MACC1: variants seen among roughly 807,000 people sequenced by gnomAD.
MACC1 encodes the protein MET transcriptional regulator MACC1.
MACC1 carries 79 observed loss-of-function variants against 70.7 expected under a neutral mutation model. That is an observed-to-expected ratio of 1.12 (90% CI 0.93 to 1.35). MACC1 has a LOEUF of 1.35. Among genes scored for constraint, MACC1 ranks in the 40% most tolerant of loss-of-function variants. MACC1 has a pLI of 0.00. For missense variants in MACC1, 1,106 were observed against 978.1 expected (o/e 1.13, Z -1.74); for synonymous variants, 361 against 347.2 (o/e 1.04, Z -0.44).
chr7:20,181,397 A>G (rs1216945018), intron 1 of MACC1, among the ~76,000 whole-genome samples: 1 of 152,092 alleles, frequency 6.6e-6, no homozygotes, highest in Non-Finnish European at 1.5e-5. Flanking sequence ...TACATAAAAT[A>G]TTAACAAATA....
At chr7:20,202,628 CA>C (rs1782849398) in intron 1 of MACC1, among the ~76,000 whole-genome samples, 1 of 152,148 alleles carries the variant, frequency 6.6e-6, no homozygotes, top group African/African-American at 2.4e-5. Context: ...TGATGAGAAC[CA>C]AAAACTTTTT....
At chr7:20,191,430 G>A (rs994278062) in intron 1 of MACC1, among the ~76,000 whole-genome samples, 1 of 152,042 alleles carries the variant, frequency 6.6e-6, no homozygotes, top group African/African-American at 2.4e-5. Flanking sequence ...TTTTGCAGCA[G>A]TCTGGAAATG....
intron 1 of MACC1, among the ~76,000 whole-genome samples, chr7:20,182,208 G>A (rs905529660): frequency 6.8e-6 from 1 of 147,212 alleles, no homozygotes; most frequent in African/African-American, 2.5e-5. Flanking sequence ...GGGGGAGGGT[G>A]GAGGGATAGC....
At chr7:20,196,935 T>C (rs1291672087) in intron 1 of MACC1, among the ~76,000 whole-genome samples, 2 of 152,194 alleles carry the variant, frequency 1.3e-5, no homozygotes, top group Non-Finnish European at 2.9e-5. Flanking sequence ...CCTAATTTTC[T>C]ATGGTACACA....
At chr7:20,216,327 CTATCTT>C (rs1783069807) in intron 1 of MACC1, among the ~76,000 whole-genome samples, 1 of 152,014 alleles carries the variant, frequency 6.6e-6, no homozygotes, top group South Asian at 2.1e-4. Context: ...TTTTTAAAAT[CTATCTT>C]TATTAATTGT....
intron 6 of MACC1, among the ~76,000 whole-genome samples, chr7:20,143,754 G>T (rs894479156): frequency 1.3e-5 from 2 of 152,150 alleles, no homozygotes; most frequent in African/African-American, 4.8e-5. Flanking sequence ...AGAGAAATTT[G>T]GGTACAATAC....
At chr7:20,208,065 G>A (rs1305058425) in intron 1 of MACC1, among the ~76,000 whole-genome samples, 4 of 152,120 alleles carry the variant, frequency 2.6e-5, no homozygotes, top group Non-Finnish European at 5.9e-5. Flanking sequence ...TTCTCCTGCC[G>A]CCCTGTAAAG....
At chr7:20,215,667 A>G (rs991252876) in intron 1 of MACC1, among the ~76,000 whole-genome samples, 1 of 152,242 alleles carries the variant, frequency 6.6e-6, no homozygotes, top group Non-Finnish European at 1.5e-5. Flanking sequence ...TAGTCTTAAT[A>G]GACACCTAGG....
chr7:20,163,346 C>T (rs1279589516), intron 3 of MACC1, among the ~76,000 whole-genome samples: 1 of 152,224 alleles, frequency 6.6e-6, no homozygotes, highest in East Asian at 1.9e-4. Flanking sequence ...TGTGCAACCA[C>T]TTGGAAGTTA....
chr7:20,135,410 A>T lies in MACC1; in HGVS notation c.*5536T>A, dbSNP rs1411665043. 1 of 152,214 alleles carries T rather than the reference A, an allele frequency of 6.6e-6. No individual in the cohort carries two copies. The highest frequency in any genetic ancestry group is 1.5e-5 in the Non-Finnish European group (1 of 68,034). 9.4% of individuals were successfully genotyped at this position (152,214 alleles called of 1,614,324 possible). On this transcript the variant is annotated 3_prime_UTR_variant, in exon 7 of 7. Transcript: ENST00000400331. The stretch of plus-strand genomic sequence containing the variant: ...CACAATTTTTAAAACAATTTCTCCA[A>T]CAGAATTAAGTGAAATCTCATTTAT...
intron 2 of MACC1, among the ~76,000 whole-genome samples, chr7:20,166,204 C>T (rs1339622299): frequency 6.6e-6 from 1 of 152,150 alleles, no homozygotes; most frequent in African/African-American, 2.4e-5. Context: ...AACTCTTGAT[C>T]TATGTGATAA....
rs1415887626 is a variant in MACC1 at position 20,138,611 on chromosome 7, G to A, written c.*2335C>T. 2 of 151,252 alleles carry A rather than the reference G, an allele frequency of 1.3e-5. No individual in the cohort carries two copies. Among genetic ancestry groups the A allele is most frequent in the Non-Finnish European group, 2.9e-5 (2 of 67,942 alleles). The allele number at this position is 151,252 out of a possible 1,614,324, so 9.4% of individuals were successfully genotyped here. A position where few individuals can be genotyped will look rare whatever the true frequency, so the allele number is the denominator to read the frequency against. ...TAAAATAAATTCTGTCCTTGAATGT[G>A]TATACATAATTATTTGGTCAGGCTG... On this transcript the variant is annotated 3_prime_UTR_variant, in exon 7 of 7. Coordinates refer to ENST00000400331, the MANE Select transcript of MACC1 (RefSeq NM_182762.4).
At chr7:20,149,326 T>G (rs961707817) in intron 6 of MACC1, among the ~76,000 whole-genome samples, 13 of 152,304 alleles carry the variant, frequency 8.5e-5, no homozygotes, top group African/African-American at 3.1e-4. Flanking sequence ...CAAAGTTATA[T>G]AGTTATCAAA....
chr7:20,176,696 T>C (rs1456417097), intron 1 of MACC1, among the ~76,000 whole-genome samples: 1 of 152,106 alleles, frequency 6.6e-6, no homozygotes, highest in East Asian at 1.9e-4. Context: ...AGTGAGTAAA[T>C]GATTTAAAGA....
intron 1 of MACC1, among the ~76,000 whole-genome samples, chr7:20,185,513 T>G (rs1393168345): frequency 2.0e-5 from 3 of 152,106 alleles, no homozygotes; most frequent in Non-Finnish European, 4.4e-5. Flanking sequence ...TAAACAGATT[T>G]TAATTTATAA....
chr7:20,149,042 A>G (rs970786548), intron 6 of MACC1, among the ~76,000 whole-genome samples: 1 of 152,204 alleles, frequency 6.6e-6, no homozygotes, highest in African/African-American at 2.4e-5. Context: ...AGAAGTTGCC[A>G]TGTAAGCCAG....
At chr7:20,144,883 T>G (rs929531138) in intron 6 of MACC1, among the ~76,000 whole-genome samples, 2 of 152,166 alleles carry the variant, frequency 1.3e-5, no homozygotes, top group East Asian at 3.9e-4. Flanking sequence ...AAGAGAGAAA[T>G]AGACGCAATA....
intron 2 of MACC1, among the ~76,000 whole-genome samples, chr7:20,164,898 T>C (rs199794519): frequency 2.6e-5 from 4 of 151,872 alleles, no homozygotes; most frequent in Non-Finnish European, 5.9e-5. Flanking sequence ...AAACTCTTTT[T>C]TTTTTTATGA....
chr7:20,174,397 T>C (rs1782361855), intron 1 of MACC1, among the ~76,000 whole-genome samples: 1 of 152,120 alleles, frequency 6.6e-6, no homozygotes, highest in Non-Finnish European at 1.5e-5. Context: ...GAGAAAGAAA[T>C]TTTAAAATGG....
Sources: gnomAD v4.1 joint callset for allele counts (sites outside exome capture counted in the v4.1 genomes callset) on GRCh38, gnomAD v4.1.1 for gene constraint, MANE v1.5 for transcripts, NCBI Gene and HGNC (gene_info 2026-07-23, HGNC 2026-07-21) for gene names.